The following MPPED2 variants were observed in gnomAD, a reference collection of about 807,000 sequenced individuals.
The protein encoded by MPPED2 is metallophosphoesterase domain containing 2, also known as metallophosphoesterase MPPED2.
MPPED2 carries 5 observed loss-of-function variants against 33.0 expected under a neutral mutation model. The ratio of observed to expected loss-of-function variants is 0.15; its 90% confidence interval spans 0.08 to 0.32. MPPED2 has a LOEUF of 0.32. Ranked by LOEUF, MPPED2 falls within the 10% of genes least tolerant of loss-of-function variation. MPPED2 has a pLI of 1.00. For missense variants in MPPED2, 275 were observed against 372.1 expected (o/e 0.74, Z 2.15); for synonymous variants, 136 against 141.9 (o/e 0.96, Z 0.29).
chr11:30,471,265 C>T (rs1950935146), intron 4 of MPPED2, among the ~76,000 whole-genome samples: 1 of 152,140 alleles, frequency 6.6e-6, no homozygotes, highest in Non-Finnish European at 1.5e-5. Context: ...CACTTCCTTC[C>T]CATTCCCTTC....
At chr11:30,397,327 C>T (rs1033952908) in intron 6 of MPPED2, among the ~76,000 whole-genome samples, 4 of 152,098 alleles carry the variant, frequency 2.6e-5, no homozygotes, top group Non-Finnish European at 5.9e-5. Flanking sequence ...TCTGGAGCAA[C>T]TCCTCTAGTA....
rs990953302 is a variant in MPPED2, at chr11:30,570,889, A to G, written c.128+9357T>C. 7.9e-5 allele frequency among the ~76,000 whole-genome samples: 12 copies of G among 152,322 alleles called. 1 individual carries two copies. The highest frequency in any genetic ancestry group is 7.4e-5 in the Non-Finnish European group (5 of 68,026). ...TATAAATGCCAAAAAAGCCCACAGC[A>G]AGACAGGAAAGGATATTTTTCCAAT... On this transcript the variant is annotated intron_variant, in intron 2 of 6. Transcript: ENST00000358117.
chr11:30,494,757 A>AAAAAAAG lies in MPPED2; in HGVS notation c.536+538_536+539insCTTTTTT, dbSNP rs768924251. 2.8e-3 allele frequency among the ~76,000 whole-genome samples: 334 copies of AAAAAAAG among 120,772 alleles called. 12 individuals are homozygous for AAAAAAAG. The highest frequency in any genetic ancestry group is 0.012 in the African/African-American group (240 of 20,734). The allele number at this position is 120,772 out of a possible 152,430, so 79.2% of individuals were successfully genotyped here. On this transcript the variant is annotated intron_variant, in intron 4 of 6. Transcript: ENST00000358117. ...CACCTCAAAAAAAAAAAAAAAAAAA[A>AAAAAAAG]AAAGAAAGAAAGAAAGAAAGAAAAG...
chr11:30,572,407 G>T (rs1956738535), intron 2 of MPPED2, among the ~76,000 whole-genome samples: 1 of 152,038 alleles, frequency 6.6e-6, no homozygotes, highest in South Asian at 2.1e-4. Context: ...CTCAGGGAGT[G>T]TATAGGAAAA....
At chr11:30,414,116 AG>A in intron 6 of MPPED2, 111 bp downstream of exon 6, 1 of 683,484 alleles carries the variant, frequency 1.5e-6, no homozygotes. Flanking sequence ...ATCTTATAAA[AG>A]GGTCCCGCTG....
chr11:30,536,794 A>T (rs1422534642), intron 2 of MPPED2, among the ~76,000 whole-genome samples: 1 of 152,130 alleles, frequency 6.6e-6, no homozygotes, highest in Non-Finnish European at 1.5e-5. Flanking sequence ...AATTAAAAAA[A>T]AAAAAAGACA....
Position 30,580,333 on chromosome 11 carries a change from G to A in MPPED2, c.41C>T (p.Thr14Met), listed in dbSNP as rs573733258. Residue 14 changes from threonine to methionine, a missense_variant, in exon 2 of 7, where the codon ACG becomes ATG. Thr to Met is a moderately conservative substitution (Grantham distance 81). Coordinates refer to ENST00000358117, the MANE Select transcript of MPPED2 (RefSeq NM_001584.3). ...GIPSQGKVTI[T>M]VDEYSSNPTQ... ...GGGGTTTGAGCTGTACTCATCCACC[G>A]TTATGGTAACTTTGCCTTGAGAAGG... The A allele has an allele frequency of 1.1e-4, 183 of 1,614,040 alleles. No homozygotes were observed. The highest frequency in any genetic ancestry group is 1.3e-4 in the African/African-American group (10 of 75,006).
chr11:30,540,667 A>G (rs1484931980), intron 2 of MPPED2, among the ~76,000 whole-genome samples: 1 of 152,142 alleles, frequency 6.6e-6, no homozygotes, highest in East Asian at 1.9e-4. Flanking sequence ...ATTAAAAGAA[A>G]TCACATACAC....
At chr11:30,428,328 T>C (rs1948933590) in intron 4 of MPPED2, among the ~76,000 whole-genome samples, 3 of 152,186 alleles carry the variant, frequency 2.0e-5, no homozygotes, top group Admixed American at 6.5e-5. Context: ...CATTTATCAG[T>C]TTACCAAGAG....
At chr11:30,398,912 GT>G (rs528360891) in intron 6 of MPPED2, among the ~76,000 whole-genome samples, 10 of 151,974 alleles carry the variant, frequency 6.6e-5, no homozygotes, top group Non-Finnish European at 1.3e-4. Flanking sequence ...GGTTATAAAT[GT>G]TTTTTTATTT....
At chr11:30,436,314 A>G (rs1378350118) in intron 4 of MPPED2, among the ~76,000 whole-genome samples, 1 of 93,754 alleles carries the variant, frequency 1.1e-5, no homozygotes, top group Non-Finnish European at 2.0e-5. Context: ...ATGTTTCTCA[A>G]ACTTTAGACA....
At chr11:30,583,924 C>T (rs530620938) in intron 1 of MPPED2, among the ~76,000 whole-genome samples, 43 of 152,346 alleles carry the variant, frequency 2.8e-4, no homozygotes, top group Non-Finnish European at 1.2e-4. Flanking sequence ...GCTCTCTCCT[C>T]CCTCTGCCGC....
intron 4 of MPPED2, among the ~76,000 whole-genome samples, chr11:30,442,133 G>A (rs1387458096): frequency 1.3e-5 from 2 of 152,202 alleles, no homozygotes; most frequent in Non-Finnish European, 2.9e-5. Flanking sequence ...TGGGAAGAAT[G>A]TGAAGAAGAA....
intron 4 of MPPED2, among the ~76,000 whole-genome samples, chr11:30,481,644 A>G (rs1278472963): frequency 6.6e-6 from 1 of 152,110 alleles, no homozygotes; most frequent in Non-Finnish European, 1.5e-5. Flanking sequence ...GGTAGGCACC[A>G]GGCTTTCCTT....
At chr11:30,394,176 GA>G (rs1420822999) in intron 6 of MPPED2, among the ~76,000 whole-genome samples, 1 of 152,178 alleles carries the variant, frequency 6.6e-6, no homozygotes, top group African/African-American at 2.4e-5. Flanking sequence ...TTTACCTGCT[GA>G]AGGATATTTG....
chr11:30,546,778 G>C (rs1000107496), intron 2 of MPPED2, among the ~76,000 whole-genome samples: 2 of 152,110 alleles, frequency 1.3e-5, no homozygotes, highest in African/African-American at 4.8e-5. Flanking sequence ...GAAGACAAAT[G>C]CTTATTTGTA....
At chr11:30,479,933 T>C (rs568300944) in intron 4 of MPPED2, among the ~76,000 whole-genome samples, 1 of 152,178 alleles carries the variant, frequency 6.6e-6, no homozygotes, top group African/African-American at 2.4e-5. Flanking sequence ...TGGGGGAAGG[T>C]AATCCTAATT....
rs80181102 is a variant in MPPED2, at chr11:30,422,680, A to G, written c.537-5047T>C. ...GGAGGAGGAGGGAATCCAAGGGAAC[A>G]ATGTCTATTGCTTCAGCCAAAGGAC... On this transcript the variant is annotated intron_variant, in intron 4 of 6. Transcript: ENST00000358117. Among the ~76,000 whole-genome samples, 10 of 152,298 alleles carry G rather than the reference A, an allele frequency of 6.6e-5. No homozygotes were observed. The East Asian group carries it at 1.9e-3, about 29-fold the overall frequency.
In MPPED2 at chr11:30,580,479, A is replaced by G. The variant is rs1413540783; in HGVS notation, c.-106T>C. ...TCTGAATCCAAGGATCTACTCATCAATACCGCTGTGCATTTCTGAAAGAAA... is the reference window on the plus strand; with the variant it reads ...TCTGAATCCAAGGATCTACTCATCAGTACCGCTGTGCATTTCTGAAAGAAA... On this transcript the variant is annotated 5_prime_UTR_variant, in exon 2 of 7. Coordinates refer to ENST00000358117, the MANE Select transcript of MPPED2 (RefSeq NM_001584.3). The G allele has an allele frequency of 4.0e-6, 6 of 1,504,340 alleles. No individual in the cohort carries two copies. Among genetic ancestry groups the G allele is most frequent in the Non-Finnish European group, 8.9e-7 (1 of 1,124,596 alleles). 93.2% of individuals were successfully genotyped at this position (1,504,340 alleles called of 1,614,324 possible).
Sources: allele counts gnomAD v4.1 joint callset (sites outside exome capture counted in the v4.1 genomes callset), GRCh38; gene constraint gnomAD v4.1.1; transcripts MANE v1.5; gene names NCBI Gene and HGNC (gene_info 2026-07-23, HGNC 2026-07-21).